Variants in CTNND2 observed in about 807,000 individuals in gnomAD.
CTNND2 encodes catenin delta 2.
In CTNND2, 22 loss-of-function variants were observed where a neutral mutation model predicts 144.4. The ratio of observed to expected loss-of-function variants is 0.15; its 90% CI spans 0.11 to 0.22. CTNND2 has a LOEUF of 0.22. Ranked by LOEUF, CTNND2 falls within the 10% of genes least tolerant of loss-of-function variation. The pLI, the probability that CTNND2 is intolerant of heterozygous loss-of-function variation, is 1.00. For missense variants in CTNND2, 1,353 were observed against 1,618.8 expected (o/e 0.84, Z 2.82); for synonymous variants, 751 against 695.6 (o/e 1.08, Z -1.25).
At chr5:11,385,409 G>A (rs1758984905) in intron 6 of CTNND2, among the ~76,000 whole-genome samples, 180 bp from the exon 7 acceptor site, 1 of 152,142 alleles carries the variant, frequency 6.6e-6, no homozygotes, top group African/African-American at 2.4e-5. Flanking sequence ...CTCCTGGGGC[G>A]GATTTCTTGT....
intron 3 of CTNND2, among the ~76,000 whole-genome samples, chr5:11,460,008 C>G (rs1766057146): frequency 6.6e-6 from 1 of 152,154 alleles, no homozygotes; most frequent in Non-Finnish European, 1.5e-5. Context: ...GAAGCTGAAC[C>G]TTTCTCACAC....
intron 2 of CTNND2, among the ~76,000 whole-genome samples, chr5:11,583,355 G>C (rs1778586075): frequency 6.6e-6 from 1 of 152,166 alleles, no homozygotes; most frequent in South Asian, 2.1e-4. Flanking sequence ...CAGTGAGAGT[G>C]GTCTAAGAAC....
In CTNND2 at chr5:11,283,673, C is replaced by CAAAAA. The variant is rs70947250; in HGVS notation, c.1629-46855_1629-46851dup. ...TGGGTGAAAGAGTGAGACTCCGTCT[C>CAAAAA]AAAAAAAAAAAAAAAAAAAAAAAAA... is the stretch of plus-strand genomic sequence containing the variant. On this transcript the variant is annotated intron_variant, in intron 9 of 21. Transcript: ENST00000304623. Among the ~76,000 whole-genome samples, 221 of 31,618 alleles carry CAAAAA rather than the reference C, an allele frequency of 7.0e-3. 36 individuals carry two copies. The highest frequency in any genetic ancestry group is 0.01 in the Non-Finnish European group (174 of 17,264). The allele number at this position is 31,618 out of a possible 152,430, so 20.7% of individuals were successfully genotyped here. A position where few individuals can be genotyped will look rare whatever the true frequency, so the allele number is the denominator to read the frequency against.
At chr5:11,544,598 C>G (rs1775048644) in intron 3 of CTNND2, among the ~76,000 whole-genome samples, 1 of 152,114 alleles carries the variant, frequency 6.6e-6, no homozygotes, top group South Asian at 2.1e-4. Flanking sequence ...GAATACTACT[C>G]AGCAAAAAAG....
chr5:11,473,995 T>G (rs963965681), intron 3 of CTNND2, among the ~76,000 whole-genome samples: 1 of 152,224 alleles, frequency 6.6e-6, no homozygotes, highest in African/African-American at 2.4e-5. Context: ...ACTCTTTCTT[T>G]CTTAATAAGC....
chr5:11,741,575 G>A (rs189294306), intron 1 of CTNND2, among the ~76,000 whole-genome samples: 51 of 151,948 alleles, frequency 3.4e-4, no homozygotes, highest in African/African-American at 9.9e-4. Flanking sequence ...GTCAGGGGGC[G>A]TGGGGCTGGG....
intron 16 of CTNND2, among the ~76,000 whole-genome samples, chr5:11,059,375 C>T (rs1021828096): frequency 6.6e-6 from 1 of 152,130 alleles, no homozygotes; most frequent in Non-Finnish European, 1.5e-5. Flanking sequence ...AGGAGGAGCT[C>T]CCCTGCACAA....
At chr5:11,241,881 A>C (rs1742487791) in intron 9 of CTNND2, among the ~76,000 whole-genome samples, 1 of 152,174 alleles carries the variant, frequency 6.6e-6, no homozygotes, top group Non-Finnish European at 1.5e-5. Context: ...GGAAAGAACA[A>C]ATACCAGAGG....
intron 15 of CTNND2, among the ~76,000 whole-genome samples, chr5:11,084,220 T>C (rs1009905410): frequency 1.3e-5 from 2 of 152,188 alleles, no homozygotes; most frequent in Admixed American, 6.5e-5. Context: ...TGACAAAACA[T>C]TGAGGTTTGC....
chr5:11,437,320 G>C (rs1358537341), intron 3 of CTNND2, among the ~76,000 whole-genome samples: 3 of 152,180 alleles, frequency 2.0e-5, no homozygotes, highest in African/African-American at 4.8e-5. Context: ...GTAAGAGTTT[G>C]GATGATCTGT....
intron 8 of CTNND2, among the ~76,000 whole-genome samples, chr5:11,352,805 T>C (rs1180043779): frequency 6.6e-6 from 1 of 152,216 alleles, no homozygotes; most frequent in Non-Finnish European, 1.5e-5. Context: ...CAATAGCTAC[T>C]ACTATTTCTA....
At chr5:11,522,605 C>T (rs529176826) in intron 3 of CTNND2, among the ~76,000 whole-genome samples, 2 of 152,318 alleles carry the variant, frequency 1.3e-5, no homozygotes, top group Admixed American at 1.3e-4. Context: ...ACTCCTTCTC[C>T]ATGCGAATGA....
chr5:11,087,315 T>C (rs1449236114), intron 15 of CTNND2, among the ~76,000 whole-genome samples: 2 of 152,222 alleles, frequency 1.3e-5, no homozygotes, highest in African/African-American at 4.8e-5. Flanking sequence ...ATTTAGTTAG[T>C]CTTATTTTTA....
intron 2 of CTNND2, among the ~76,000 whole-genome samples, chr5:11,583,552 A>C (rs544666065): frequency 7.2e-5 from 11 of 152,306 alleles, no homozygotes; most frequent in African/African-American, 2.6e-4. Flanking sequence ...ACTTAGCGTA[A>C]ATTTTCACAT....
At chr5:11,592,722 G>C (rs541711749) in intron 2 of CTNND2, among the ~76,000 whole-genome samples, 20 of 151,644 alleles carry the variant, frequency 1.3e-4, no homozygotes, top group African/African-American at 3.9e-4. Context: ...ACCTCAGCAT[G>C]CTTTTCTGGG....
At chr5:11,237,022 C>CTT (rs368680555) in intron 9 of CTNND2, among the ~76,000 whole-genome samples, 199 bp from the exon 10 acceptor site, 6 of 138,484 alleles carry the variant, frequency 4.3e-5, no homozygotes, top group African/African-American at 5.2e-5. Context: ...TCTTTCTTTT[C>CTT]TTTTTTTTTT....
At chr5:11,510,922 CTCTA>C (rs1268237018) in intron 3 of CTNND2, among the ~76,000 whole-genome samples, 136 of 129,462 alleles carry the variant, frequency 1.1e-3, no homozygotes, top group African/African-American at 4.1e-3. Context: ...CAGAAAGAGA[CTCTA>C]TCTCAAAAAA....
intron 1 of CTNND2, among the ~76,000 whole-genome samples, chr5:11,803,894 T>A (rs576830027): frequency 6.6e-6 from 1 of 152,140 alleles, no homozygotes; most frequent in Non-Finnish European, 1.5e-5. Context: ...TCCAATCTAG[T>A]CAGTAAAAAA....
intron 9 of CTNND2, among the ~76,000 whole-genome samples, chr5:11,271,368 A>G (rs1745992798): frequency 6.6e-6 from 1 of 152,230 alleles, no homozygotes; most frequent in Non-Finnish European, 1.5e-5. Flanking sequence ...TGCATATACA[A>G]TATTAACAGT....
Sources: gnomAD v4.1 joint callset for allele counts (sites outside exome capture counted in the v4.1 genomes callset) on GRCh38, gnomAD v4.1.1 for gene constraint, MANE v1.5 for transcripts, NCBI Gene and HGNC (gene_info 2026-07-23, HGNC 2026-07-21) for gene names.